Variants in COQ8A observed in about 807,000 individuals in gnomAD.
COQ8A encodes atypical kinase COQ8A, mitochondrial.
A neutral mutation model predicts 65.0 loss-of-function variants in COQ8A; 51 were observed. The ratio of observed to expected loss-of-function variants is 0.78; its 90% CI spans 0.63 to 0.99. The LOEUF is 0.99. Among genes scored for constraint, COQ8A ranks in the 50% least tolerant of loss-of-function variants. The pLI, the probability that COQ8A is intolerant of heterozygous loss-of-function variation, is 0.00. For synonymous variants in COQ8A, 371 were observed against 353.2 expected, an observed-to-expected ratio of 1.05 and a Z score of -0.57; for missense variants, 940 against 875.0, an observed-to-expected ratio of 1.07 and a Z score of -0.94.
chr1:226,955,988 TCCCTGGTTCA>T (rs1657714278), intron 1 of COQ8A, among the ~76,000 whole-genome samples: 1 of 133,602 alleles, frequency 7.5e-6, no homozygotes, highest in Non-Finnish European at 1.6e-5. Flanking sequence ...TGGCTGCCAC[TCCCTGGTTCA>T]CACTCTCCCT....
intron 1 of COQ8A, among the ~76,000 whole-genome samples, chr1:226,944,202 G>C (rs1187650643): frequency 6.6e-6 from 1 of 152,048 alleles, no homozygotes; most frequent in Non-Finnish European, 1.5e-5. Context: ...AGACCCACTG[G>C]CTTGAGCCCT....
At chr1:226,965,785 C>CAGGTG in intron 4 of COQ8A, 48 bp downstream of exon 4, 2 of 1,585,458 alleles carry the variant, frequency 1.3e-6, no homozygotes, top group Non-Finnish European at 1.7e-6. Flanking sequence ...CCTGCCTGGG[C>CAGGTG]ACCACGCTGC....
chr1:226,955,057 A>C (rs1233889569), intron 1 of COQ8A, among the ~76,000 whole-genome samples: 1 of 152,096 alleles, frequency 6.6e-6, no homozygotes, highest in African/African-American at 2.4e-5. Flanking sequence ...TGGAACCTAA[A>C]GGCAGTGGAG....
chr1:226,953,344 A>G (rs1007073940), intron 1 of COQ8A, among the ~76,000 whole-genome samples: 2 of 152,222 alleles, frequency 1.3e-5, no homozygotes, highest in Non-Finnish European at 2.9e-5. Flanking sequence ...GTCATTTTCA[A>G]TGACTATGTG....
At chr1:226,978,824 A>ACC (rs1659499407) in intron 5 of COQ8A, among the ~76,000 whole-genome samples, 1 of 89,474 alleles carries the variant, frequency 1.1e-5, no homozygotes, top group African/African-American at 3.5e-5. Flanking sequence ...CCCTCCATGC[A>ACC]CACACCTCCT....
At chr1:226,971,229 C>G (rs1658892558) in intron 4 of COQ8A, among the ~76,000 whole-genome samples, 1 of 152,032 alleles carries the variant, frequency 6.6e-6, no homozygotes, top group Admixed American at 6.5e-5. Context: ...GCATGAGCCA[C>G]CACACCCGAC....
chr1:226,983,263 T>C, intron 8 of COQ8A: 1 of 717,906 alleles, frequency 1.4e-6, no homozygotes, highest in Non-Finnish European at 2.3e-6. Flanking sequence ...CAAGCTTGAT[T>C]TGGGGTGGGC....
In COQ8A at chr1:226,961,526, T is replaced by C. The variant is rs1658254343; in HGVS notation, c.141T>C (p.Ala47=). ...CGGCCAGGGCCCTGCAGTCCACGGCTGTGGAGCAGATTGGCATGTTCTTGG... is the reference window on the plus strand; with the variant it reads ...CGGCCAGGGCCCTGCAGTCCACGGCCGTGGAGCAGATTGGCATGTTCTTGG... ...IMAARALQST[A]VEQIGMFLGK... is the part of the protein sequence containing the mutation. The change falls in exon 2 of 15, where the codon GCT becomes GCC. Residue 47 remains alanine (A), a synonymous_variant. Transcript: ENST00000366777. 1 of 1,613,554 alleles carries C rather than the reference T, an allele frequency of 6.2e-7. No homozygotes were observed. Among genetic ancestry groups the C allele is most frequent in the Non-Finnish European group, 8.5e-7 (1 of 1,179,742 alleles).
chr1:226,959,227 A>C (rs1657999434), intron 1 of COQ8A, among the ~76,000 whole-genome samples: 1 of 152,088 alleles, frequency 6.6e-6, no homozygotes, highest in Non-Finnish European at 1.5e-5. Flanking sequence ...CTTCTGTGAG[A>C]GCGTAGACTC....
chr1:226,980,891 G>A (rs1659643740), intron 5 of COQ8A, among the ~76,000 whole-genome samples: 1 of 152,106 alleles, frequency 6.6e-6, no homozygotes, highest in Admixed American at 6.5e-5. Flanking sequence ...GCTGCACCCG[G>A]CTCCGGGGCA....
chr1:226,961,420 C>A lies in COQ8A; in HGVS notation c.35C>A (p.Ala12Asp). The change falls in exon 2 of 15, where the codon GCT (alanine) becomes GAT (aspartate). Residue 12 changes from alanine (A) to aspartate (D), a missense_variant. Coordinates refer to ENST00000366777, the MANE Select transcript of COQ8A (RefSeq NM_020247.5). ...AAILGDTIMV[A>D]KGLVKLTQAA... ...ATATTGGGAGACACCATCATGGTGG[C>A]TAAAGGCCTTGTCAAGCTGACCCAG... 6.2e-7 allele frequency: 1 copy of A among 1,613,818 alleles called. No individual in the cohort carries two copies. The highest frequency in any genetic ancestry group is 8.5e-7 in the Non-Finnish European group (1 of 1,180,038).
At chr1:226,968,834 T>C (rs1410564618) in intron 4 of COQ8A, among the ~76,000 whole-genome samples, 2 of 152,166 alleles carry the variant, frequency 1.3e-5, no homozygotes, top group African/African-American at 4.8e-5. Flanking sequence ...TATGGGACAT[T>C]ATGACTGTGA....
chr1:226,964,549 G>T (rs1396692775), intron 2 of COQ8A, among the ~76,000 whole-genome samples: 1 of 152,194 alleles, frequency 6.6e-6, no homozygotes, highest in African/African-American at 2.4e-5. Context: ...CATGTCTGCA[G>T]TAAGCTGTGG....
At chr1:226,960,272 G>A (rs1394383120) in intron 1 of COQ8A, among the ~76,000 whole-genome samples, 9 of 114,070 alleles carry the variant, frequency 7.9e-5, no homozygotes, top group Non-Finnish European at 1.5e-4. Flanking sequence ...GTGGTACTTG[G>A]TGGCGGTGGT....
Position 226,951,602 on chromosome 1 carries a change from A to C in COQ8A, c.-9-9775A>C, listed in dbSNP as rs182979584. 8.5e-3 allele frequency among the ~76,000 whole-genome samples: 1,301 copies of C among 152,256 alleles called. 8 individuals are homozygous for C. The highest frequency in any genetic ancestry group is 0.013 in the Non-Finnish European group (851 of 68,016). On this transcript the variant is annotated intron_variant, in intron 1 of 14. Transcript: ENST00000366777. ...ACTATAATGGGGGGGTCCTTGCCCC[A>C]ACACGAGCCTTATTGGGGTGTTCTC...
At chr1:226,986,000 G>C (rs868533577) in intron 14 of COQ8A, among the ~76,000 whole-genome samples, 4 of 152,286 alleles carry the variant, frequency 2.6e-5, no homozygotes, top group Middle Eastern at 3.4e-3. Flanking sequence ...TGTCCCTGGC[G>C]GCAGCTCCTC....
At chr1:226,957,586 AG>A (rs57102402) in intron 1 of COQ8A, among the ~76,000 whole-genome samples, 1 of 152,126 alleles carries the variant, frequency 6.6e-6, no homozygotes, top group South Asian at 2.1e-4. Context: ...TTGGCTGTGA[AG>A]GGGGGACTTG....
Position 226,965,369 on chromosome 1 carries a change from C to T in COQ8A, c.547C>T (p.Gln183Ter), listed in dbSNP as rs1433119560. 6.2e-7 allele frequency: 1 copy of T among 1,612,044 alleles called. No individual in the cohort carries two copies. ...LTAEDIEKAR[Q>*]AKARPENKQH... ...AGCCGAGGACATTGAGAAGGCCCGG[C>T]AGGCTAAGGCTCGCCCCGAGAACAA... is the stretch of plus-strand genomic sequence containing the variant. Residue 183 changes from glutamine (Q) to a stop codon, truncating the protein, a stop_gained, in exon 3 of 15, where the codon CAG becomes TAG. Transcript: ENST00000366777. LOFTEE classifies it high-confidence loss of function.
At chr1:226,976,013 C>T (rs1364796084) in intron 4 of COQ8A, among the ~76,000 whole-genome samples, 1 of 148,762 alleles carries the variant, frequency 6.7e-6, no homozygotes, top group African/African-American at 2.5e-5. Context: ...CTGGTGTGAG[C>T]CCTCTCCCCC....
Sources: allele counts gnomAD v4.1 joint callset (sites outside exome capture counted in the v4.1 genomes callset), GRCh38; gene constraint gnomAD v4.1.1; transcripts MANE v1.5; gene names NCBI Gene and HGNC (gene_info 2026-07-23, HGNC 2026-07-21).